The following PROM1 variants were observed in gnomAD, a reference collection of about 807,000 sequenced individuals.
PROM1 encodes the protein prominin 1.
Under a neutral mutation model 116.9 loss-of-function variants are expected in PROM1, and 105 were observed. That is an observed-to-expected ratio of 0.90 (90% CI 0.77 to 1.06). PROM1 has a LOEUF of 1.06. Ranked by LOEUF, PROM1 falls within the 50% of genes least tolerant of loss-of-function variation. The probability of loss-of-function intolerance (pLI) is 0.00; values close to 1 mark genes in which losing one functional copy is unlikely to be tolerated. For missense variants in PROM1, 1,122 were observed against 1,045.2 expected, an observed-to-expected ratio of 1.07 and a Z score of -1.01; for synonymous variants, 393 against 387.0, an observed-to-expected ratio of 1.02 and a Z score of -0.18.
intron 2 of PROM1, among the ~76,000 whole-genome samples, chr4:16,045,452 T>A (rs1439634169): frequency 6.6e-6 from 1 of 152,170 alleles, no homozygotes; most frequent in East Asian, 1.9e-4. Flanking sequence ...TATGTTGGAC[T>A]GAGCAGTGAA....
intron 2 of PROM1, among the ~76,000 whole-genome samples, chr4:16,060,896 GATTTA>G (rs1442592522): frequency 1.3e-5 from 2 of 152,286 alleles, no homozygotes; most frequent in African/African-American, 4.8e-5. Context: ...CGATGATTCG[GATTTA>G]ATTTAACACT....
At chr4:16,042,955 C>T (rs1735684011) in intron 2 of PROM1, among the ~76,000 whole-genome samples, 1 of 152,160 alleles carries the variant, frequency 6.6e-6, no homozygotes, top group Non-Finnish European at 1.5e-5. Flanking sequence ...AAACCAATGC[C>T]ACTCTTCTCA....
At chr4:15,979,526 T>C in intron 25 of PROM1, 63 bp from the exon 26 acceptor site, 3 of 1,533,842 alleles carry the variant, frequency 2.0e-6, no homozygotes, top group Middle Eastern at 1.8e-4. Context: ...ATTTACATCA[T>C]GGATTACAAA....
At chr4:16,046,910 C>T (rs1736682579) in intron 2 of PROM1, among the ~76,000 whole-genome samples, 1 of 152,234 alleles carries the variant, frequency 6.6e-6, no homozygotes, top group Admixed American at 6.5e-5. Context: ...TCCAACCACG[C>T]ACTCCTTCCC....
chr4:15,971,098 A>C lies in PROM1; in HGVS notation c.2583-16T>G. ...TTGTGATGGGCTAAAAAACAAAAAA[A>C]TAAAGAAATATAATACCCCCAACAA... On this transcript the variant is annotated splice_polypyrimidine_tract_variant and intron_variant, in intron 26 of 27. Transcript: ENST00000447510. The C allele has an allele frequency of 6.4e-7, 1 of 1,551,676 alleles. No homozygotes were observed. The highest frequency in any genetic ancestry group is 8.7e-7 in the Non-Finnish European group (1 of 1,150,062).
intron 27 of PROM1, 106 bp downstream of exon 27, chr4:15,970,937 T>C: frequency 1.1e-6 from 1 of 890,676 alleles, no homozygotes; most frequent in South Asian, 1.5e-5. Flanking sequence ...CTGATCTAGA[T>C]TTCCCACTTA....
chr4:15,978,991 A>AAAGGAAGG (rs1264646073), intron 26 of PROM1, among the ~76,000 whole-genome samples: 1 of 147,126 alleles, frequency 6.8e-6, no homozygotes, highest in African/African-American at 2.6e-5. Flanking sequence ...AGGAAGGAAA[A>AAAGGAAGG]AAGGAAGGAA....
chr4:16,073,566 T>TA (rs1305558537), intron 2 of PROM1, among the ~76,000 whole-genome samples: 1 of 152,192 alleles, frequency 6.6e-6, no homozygotes, highest in Non-Finnish European at 1.5e-5. Context: ...ATTCATCTGT[T>TA]AAACTCAATA....
chr4:16,046,391 C>A (rs1254811335), intron 2 of PROM1, among the ~76,000 whole-genome samples: 1 of 152,124 alleles, frequency 6.6e-6, no homozygotes, highest in African/African-American at 2.4e-5. Context: ...TTTAGAACTT[C>A]CTGATTCCAC....
intron 5 of PROM1, among the ~76,000 whole-genome samples, chr4:16,031,859 G>T (rs541594872): frequency 2.6e-5 from 4 of 152,310 alleles, no homozygotes; most frequent in African/African-American, 7.2e-5. Context: ...TGCTTAAATA[G>T]TCACTGCCCT....
At chr4:16,063,187 A>G (rs550453145) in intron 2 of PROM1, among the ~76,000 whole-genome samples, 10 of 152,234 alleles carry the variant, frequency 6.6e-5, no homozygotes, top group Non-Finnish European at 1.5e-4. Context: ...AACACCATAA[A>G]GGTGCAACCA....
chr4:16,061,250 A>G (rs1175837928), intron 2 of PROM1, among the ~76,000 whole-genome samples: 1 of 152,242 alleles, frequency 6.6e-6, no homozygotes, highest in Non-Finnish European at 1.5e-5. Context: ...TAGGATTTTA[A>G]GAAAGGAGAG....
At chr4:16,007,779 A>G (rs1227838032) in intron 12 of PROM1, among the ~76,000 whole-genome samples, 1 of 152,214 alleles carries the variant, frequency 6.6e-6, no homozygotes, top group Non-Finnish European at 1.5e-5. Context: ...TAATGAGATT[A>G]TAAGTTCACT....
chr4:16,051,766 A>G (rs1227696062), intron 2 of PROM1, among the ~76,000 whole-genome samples: 1 of 152,188 alleles, frequency 6.6e-6, no homozygotes, highest in Non-Finnish European at 1.5e-5. Flanking sequence ...AACTGGAACC[A>G]GGTTTCTGAC....
In PROM1 at chr4:16,030,380, T is replaced by C. The variant is rs139916350; in HGVS notation, c.509+2924A>G. ...CAGTTGATCAATTTTGGTTTAATTA[T>C]ATTGAAATCTAAAATTACAATTTTC... On this transcript the variant is annotated intron_variant, in intron 5 of 27. Transcript: ENST00000447510. Among the ~76,000 whole-genome samples, 207 of 152,352 alleles carry C rather than the reference T, an allele frequency of 1.4e-3. 2 individuals are homozygous for C. The highest frequency in any genetic ancestry group is 4.6e-3 in the African/African-American group (193 of 41,592).
chr4:16,072,607 A>G (rs780575892), intron 2 of PROM1, among the ~76,000 whole-genome samples: 1 of 152,250 alleles, frequency 6.6e-6, no homozygotes, highest in Non-Finnish European at 1.5e-5. Context: ...AAACAAAGAC[A>G]GTAACAGACC....
At chr4:16,005,524 G>C (rs1725245966) in intron 13 of PROM1, among the ~76,000 whole-genome samples, 2 of 151,492 alleles carry the variant, frequency 1.3e-5, no homozygotes, top group Admixed American at 1.3e-4. Context: ...GTGTGTGTGT[G>C]TGTGTGTGTG....
chr4:15,980,153 C>T (rs1039945684), intron 24 of PROM1: 4 of 584,592 alleles, frequency 6.8e-6, no homozygotes, highest in African/African-American at 3.9e-5. Context: ...GCCAGGTCCC[C>T]GAGAGAGAGG....
chr4:16,070,098 A>C (rs1392043452), intron 2 of PROM1, among the ~76,000 whole-genome samples: 1 of 152,168 alleles, frequency 6.6e-6, no homozygotes, highest in East Asian at 1.9e-4. Context: ...CAAACTTAAA[A>C]TATGTAAGGA....
Sources: gnomAD v4.1 joint callset for allele counts (sites outside exome capture counted in the v4.1 genomes callset) on GRCh38, gnomAD v4.1.1 for gene constraint, MANE v1.5 for transcripts, NCBI Gene and HGNC (gene_info 2026-07-23, HGNC 2026-07-21) for gene names.